Variants in HEMK2 observed in about 807,000 individuals in gnomAD.
HEMK2 encodes methyltransferase HEMK2.
chr21:28,734,223 A>C, the HEMK2 span, among the ~76,000 whole-genome samples: 1 of 152,206 alleles, frequency 6.6e-6, no homozygotes, highest in Non-Finnish European at 1.5e-5. Flanking sequence ...CAAGTTTGCA[A>C]ACAGGCTGAG....
the HEMK2 span, among the ~76,000 whole-genome samples, chr21:28,588,982 CAA>C: frequency 1.2e-4 from 13 of 107,264 alleles, no homozygotes; most frequent in Admixed American, 1.9e-4. Context: ...GACACTGTCT[CAA>C]AAAAAAAAAA....
the HEMK2 span, among the ~76,000 whole-genome samples, chr21:28,862,873 T>C: frequency 6.6e-6 from 1 of 152,206 alleles, no homozygotes; most frequent in Admixed American, 6.5e-5. Context: ...TAACTTTATG[T>C]ATTTGGGTCG....
the HEMK2 span, among the ~76,000 whole-genome samples, chr21:28,781,925 T>C: frequency 6.6e-6 from 1 of 152,236 alleles, no homozygotes; most frequent in South Asian, 2.1e-4. Flanking sequence ...TCTAAGGGCT[T>C]AGAGGTTACC....
chr21:28,868,423 T>C, the HEMK2 span, among the ~76,000 whole-genome samples: 3 of 152,230 alleles, frequency 2.0e-5, no homozygotes, highest in Non-Finnish European at 2.9e-5. Flanking sequence ...GGCTCATGCC[T>C]GTAATCTCAC....
the HEMK2 span, among the ~76,000 whole-genome samples, chr21:28,774,619 C>A: frequency 1.3e-5 from 2 of 152,050 alleles, no homozygotes; most frequent in Non-Finnish European, 2.9e-5. Flanking sequence ...TGCCCATATA[C>A]AGAACTATTC....
chr21:28,814,564 G>C, the HEMK2 span, among the ~76,000 whole-genome samples: 2 of 150,924 alleles, frequency 1.3e-5, no homozygotes, highest in Non-Finnish European at 2.9e-5. Flanking sequence ...TCAAAAAGTG[G>C]GCGAAGGATA....
chr21:28,705,606 T>C, the HEMK2 span, among the ~76,000 whole-genome samples: 1 of 152,190 alleles, frequency 6.6e-6, no homozygotes, highest in South Asian at 2.1e-4. Context: ...GACTCTGCTG[T>C]ATTCATTTTC....
chr21:28,855,778 T>C, the HEMK2 span, among the ~76,000 whole-genome samples: 1 of 152,082 alleles, frequency 6.6e-6, no homozygotes, highest in Non-Finnish European at 1.5e-5. Flanking sequence ...GGGTAAGCAA[T>C]GAAATTAAGG....
chr21:28,738,949 C>G, the HEMK2 span, among the ~76,000 whole-genome samples: 1 of 152,184 alleles, frequency 6.6e-6, no homozygotes, highest in Admixed American at 6.5e-5. Context: ...TTAGCTTTCT[C>G]TGAATAATTC....
chr21:28,838,972 A>AAAAAAAATATATATAT, the HEMK2 span, among the ~76,000 whole-genome samples: 1 of 29,158 alleles, frequency 3.4e-5, no homozygotes, highest in Admixed American at 5.0e-4. Context: ...AAAAAAAAAA[A>AAAAAAAATATATATAT]ATATATATAT....
chr21:28,702,370 A>G, the HEMK2 span, among the ~76,000 whole-genome samples: 1 of 152,330 alleles, frequency 6.6e-6, no homozygotes, highest in African/African-American at 2.4e-5. Flanking sequence ...ACAGCAAAAG[A>G]AACTATCAAC....
At chr21:28,600,241 T>C in the HEMK2 span, among the ~76,000 whole-genome samples, 1 of 152,360 alleles carries the variant, frequency 6.6e-6, no homozygotes, top group East Asian at 1.9e-4. Flanking sequence ...TGCAGCAAAC[T>C]TCTGCATGGA....
chr21:28,835,572 A>G, the HEMK2 span, among the ~76,000 whole-genome samples: 1 of 152,128 alleles, frequency 6.6e-6, no homozygotes, highest in Admixed American at 6.5e-5. Flanking sequence ...ATACTACAAA[A>G]CAAGGCTCTT....
At chr21:28,684,905 G>C in the HEMK2 span, among the ~76,000 whole-genome samples, 15 of 152,138 alleles carry the variant, frequency 9.9e-5, no homozygotes, top group Non-Finnish European at 1.6e-4. Context: ...GGTGTAAAAA[G>C]TAAACAAAGT....
the HEMK2 span, among the ~76,000 whole-genome samples, chr21:28,726,567 AT>A: frequency 6.6e-6 from 1 of 152,186 alleles, no homozygotes; most frequent in Non-Finnish European, 1.5e-5. Flanking sequence ...CTTCTTTGAG[AT>A]TTTTTAGAGT....
chr21:28,814,101 G>A, the HEMK2 span, among the ~76,000 whole-genome samples: 2 of 152,060 alleles, frequency 1.3e-5, no homozygotes, highest in Admixed American at 1.3e-4. Flanking sequence ...GCTGGGCATG[G>A]TGGTGCACGC....
chr21:28,774,291 T>A, the HEMK2 span, among the ~76,000 whole-genome samples: 1 of 152,140 alleles, frequency 6.6e-6, no homozygotes, highest in African/African-American at 2.4e-5. Flanking sequence ...TTACCAATAT[T>A]AAGACATGCC....
chr21:28,818,041 C>G, the HEMK2 span, among the ~76,000 whole-genome samples: 2 of 152,244 alleles, frequency 1.3e-5, no homozygotes, highest in African/African-American at 4.8e-5. Flanking sequence ...AGTATTGTTC[C>G]TAGGTGTGTC....
the HEMK2 span, among the ~76,000 whole-genome samples, chr21:28,744,687 T>C: frequency 1.2e-3 from 182 of 152,328 alleles, 1 homozygote; most frequent in African/African-American, 3.7e-3. Flanking sequence ...GTATTTTACA[T>C]ACATTATTTC....
Sources: gnomAD v4.1 joint callset for allele counts (sites outside exome capture counted in the v4.1 genomes callset) on GRCh38, gnomAD v4.1.1 for gene constraint, MANE v1.5 for transcripts, NCBI Gene and HGNC (gene_info 2026-07-23, HGNC 2026-07-21) for gene names.